Variants in FGL1 observed in about 807,000 individuals in gnomAD.
FGL1 encodes fibrinogen like 1, also known as fibrinogen-like protein 1.
FGL1 carries 59 observed loss-of-function variants against 43.7 expected under a neutral mutation model. The ratio of observed to expected loss-of-function variants is 1.35; its 90% confidence interval spans 1.10 to 1.68. The LOEUF is 1.68. Among genes scored for constraint, FGL1 ranks in the 40% most tolerant of loss-of-function variants. FGL1 has a pLI of 0.00. For synonymous variants in FGL1, 192 were observed against 126.5 expected (o/e 1.52, Z -3.48); for missense variants, 596 against 373.0 (o/e 1.60, Z -4.92).
rs761457705 is a variant in FGL1, at chr8:17,882,125, G to A, written c.118C>T (p.Leu40Phe). The A allele has an allele frequency of 5.6e-6, 9 of 1,613,920 alleles. No homozygotes were observed. The highest frequency in any genetic ancestry group is 1.6e-4 in the Middle Eastern group (1 of 6,076). The change falls in exon 3 of 8, where the codon CTT becomes TTT. Residue 40 changes from leucine (L) to phenylalanine (F), a missense_variant. By Grantham distance (22) the Leu-to-Phe change is conservative. Coordinates refer to ENST00000427924, the MANE Select transcript of FGL1 (RefSeq NM_004467.4). ...QMRLRAQVRL[L>F]ETRVKQQQVK... ...TGTTGCTGTTTGACCCGGGTCTCAA[G>A]CAGGCGCACCTGGGCTCTGAGCCGC...
chr8:17,868,528 A>G lies in FGL1; in HGVS notation c.779+20T>C, dbSNP rs936058220. On this transcript the variant is annotated intron_variant, in intron 7 of 7. Coordinates refer to ENST00000427924, the MANE Select transcript of FGL1 (RefSeq NM_004467.4). The stretch of plus-strand genomic sequence containing the variant: ...AGATATCATCAACTCCATTACAACT[A>G]TGCTCATAAGACATCAAACCTGTTA... The G allele has an allele frequency of 2.5e-6, 4 of 1,588,240 alleles. No homozygotes were observed. The African/African-American group carries it at 5.4e-5, about 21-fold the overall frequency.
intron 3 of FGL1, among the ~76,000 whole-genome samples, chr8:17,875,853 C>T (rs896026108): frequency 1.3e-5 from 2 of 152,028 alleles, no homozygotes; most frequent in African/African-American, 4.8e-5. Context: ...GCCATCCGCC[C>T]GCCTCGGCCT....
At chr8:17,878,643 T>C (rs1051216167) in intron 3 of FGL1, among the ~76,000 whole-genome samples, 2 of 152,188 alleles carry the variant, frequency 1.3e-5, no homozygotes, top group African/African-American at 4.8e-5. Context: ...AGCTTAATAG[T>C]ATGCTGTAGA....
At chr8:17,873,976 T>G (rs764832375) in intron 5 of FGL1, 43 bp downstream of exon 5, 1 of 1,441,658 alleles carries the variant, frequency 6.9e-7, no homozygotes, top group Non-Finnish European at 9.3e-7. Flanking sequence ...TTAGTGTTGT[T>G]TTTATTATAT....
Position 17,895,435 on chromosome 8 carries a change from T to C in FGL1, c.-18+12A>G, listed in dbSNP as rs1377975241. 7.8e-7 allele frequency: 1 copy of C among 1,283,332 alleles called. No homozygotes were observed. Among genetic ancestry groups the C allele is most frequent in the Non-Finnish European group, 1.0e-6 (1 of 984,474 alleles). The allele number at this position is 1,283,332 out of a possible 1,614,324, so 79.5% of individuals were successfully genotyped here. On this transcript the variant is annotated intron_variant, in intron 1 of 7. Transcript: ENST00000427924. ...AAGCATGTCAAAAATGCAGAGACATTAAATAACTTGCCTAAAGTCAGAAGT... is the reference window on the plus strand; with the variant it reads ...AAGCATGTCAAAAATGCAGAGACATCAAATAACTTGCCTAAAGTCAGAAGT...
intron 5 of FGL1, among the ~76,000 whole-genome samples, chr8:17,870,250 G>A (rs767740592): frequency 2.0e-5 from 3 of 152,032 alleles, no homozygotes; most frequent in Non-Finnish European, 4.4e-5. Flanking sequence ...AATTCTAGGC[G>A]ATATAAGAGC....
chr8:17,867,060 T>A (rs558795369), intron 7 of FGL1, among the ~76,000 whole-genome samples: 1 of 152,210 alleles, frequency 6.6e-6, no homozygotes. Context: ...AAATCTTAAA[T>A]GGACTCAAAT....
intron 3 of FGL1, among the ~76,000 whole-genome samples, chr8:17,880,887 G>A (rs535707779): frequency 6.6e-6 from 1 of 152,192 alleles, no homozygotes; most frequent in South Asian, 2.1e-4. Context: ...TTTAGTTTCT[G>A]GGGAGAAATA....
Position 17,874,474 on chromosome 8 carries a change from T to C in FGL1, c.292A>G (p.Lys98Glu), listed in dbSNP as rs754449141. The C allele has an allele frequency of 2.1e-5, 34 of 1,614,082 alleles. No individual in the cohort carries two copies. The East Asian group carries it at 7.4e-4, about 35-fold the overall frequency. ...NDGYKLSGFY[K>E]IKPLQSPAEF... is the part of the protein sequence containing the mutation. Reference sequence around the variant, plus strand: ...GCTGGGCTCTGGAGAGGTTTGATTTTGTAAAATCCACTGAGCTTATACCCA... The same window carrying C: ...GCTGGGCTCTGGAGAGGTTTGATTTCGTAAAATCCACTGAGCTTATACCCA... The change falls in exon 4 of 8, where the codon AAA (lysine) becomes GAA (glutamate). Residue 98 changes from lysine to glutamate, a missense_variant. Transcript: ENST00000427924.
intron 3 of FGL1, among the ~76,000 whole-genome samples, chr8:17,880,555 C>T (rs1336633163): frequency 6.6e-6 from 1 of 152,152 alleles, no homozygotes; most frequent in African/African-American, 2.4e-5. Context: ...TCCTTTCATT[C>T]CTGAATATGA....
intron 1 of FGL1, among the ~76,000 whole-genome samples, chr8:17,887,557 T>G (rs1013589327): frequency 1.3e-5 from 2 of 152,062 alleles, no homozygotes; most frequent in African/African-American, 4.8e-5. Flanking sequence ...GTGAACAAAA[T>G]AACCAAGATG....
chr8:17,883,557 T>C (rs2053582440), intron 2 of FGL1, among the ~76,000 whole-genome samples: 1 of 137,472 alleles, frequency 7.3e-6, no homozygotes, highest in Admixed American at 7.7e-5. Context: ...GTCTACTTTA[T>C]ATAATATATT....
chr8:17,893,041 A>G (rs1252162491), intron 1 of FGL1, among the ~76,000 whole-genome samples: 1 of 152,174 alleles, frequency 6.6e-6, no homozygotes, highest in African/African-American at 2.4e-5. Context: ...CCTACTAAAA[A>G]TACAAAGAAA....
intron 1 of FGL1, among the ~76,000 whole-genome samples, chr8:17,886,344 C>G (rs1469430309): frequency 6.6e-6 from 1 of 152,098 alleles, no homozygotes; most frequent in Admixed American, 6.6e-5. Context: ...TTTTTTCCTT[C>G]TCACAAAGCC....
intron 3 of FGL1, among the ~76,000 whole-genome samples, chr8:17,880,796 G>C (rs1159439375): frequency 6.6e-6 from 1 of 152,128 alleles, no homozygotes; most frequent in Non-Finnish European, 1.5e-5. Flanking sequence ...TTTACTTCTG[G>C]AGGAATTCAA....
At chr8:17,889,675 A>C (rs560049314) in intron 1 of FGL1, among the ~76,000 whole-genome samples, 1 of 152,346 alleles carries the variant, frequency 6.6e-6, no homozygotes, top group East Asian at 1.9e-4. Context: ...AGGACCATTC[A>C]GCCTCTGGGG....
intron 2 of FGL1, among the ~76,000 whole-genome samples, chr8:17,884,441 C>T (rs1006838676): frequency 2.0e-5 from 3 of 152,132 alleles, no homozygotes; most frequent in African/African-American, 4.8e-5. Flanking sequence ...GCGATCCACC[C>T]ACCTCGGCCC....
At chr8:17,885,794 G>T (rs1173886333) in intron 1 of FGL1, 3 of 490,862 alleles carry the variant, frequency 6.1e-6, no homozygotes, top group Non-Finnish European at 1.1e-5. Flanking sequence ...ACAGAGGAAG[G>T]ACTCTGGTTC....
chr8:17,886,341 C>G (rs536006151), intron 1 of FGL1, among the ~76,000 whole-genome samples: 2 of 152,120 alleles, frequency 1.3e-5, no homozygotes, highest in Non-Finnish European at 2.9e-5. Flanking sequence ...TAATTTTTTC[C>G]TTCTCACAAA....
Sources: gnomAD v4.1 joint callset for allele counts (sites outside exome capture counted in the v4.1 genomes callset) on GRCh38, gnomAD v4.1.1 for gene constraint, MANE v1.5 for transcripts, NCBI Gene and HGNC (gene_info 2026-07-23, HGNC 2026-07-21) for gene names.